Variants in ALDH1A2 observed in about 807,000 individuals in gnomAD.
The protein encoded by ALDH1A2 is retinal dehydrogenase 2.
A neutral mutation model predicts 60.3 loss-of-function variants in ALDH1A2; 27 were observed. The observed-to-expected ratio is 0.45, with a 90% CI of 0.33 to 0.62. The LOEUF is 0.62. Ranked by LOEUF, ALDH1A2 falls within the 20% of genes least tolerant of loss-of-function variation. The pLI is 0.02. For missense variants in ALDH1A2, 581 were observed against 643.8 expected (o/e 0.90, Z 1.06); for synonymous variants, 289 against 232.4 (o/e 1.24, Z -2.21).
chr15:58,021,134 T>G (rs1181984857), intron 1 of ALDH1A2, among the ~76,000 whole-genome samples: 3 of 152,332 alleles, frequency 2.0e-5, no homozygotes, highest in Non-Finnish European at 2.9e-5. Flanking sequence ...TTTTGATGTG[T>G]CTCTGTAAGT....
At position 58,016,292 on chromosome 15, in the gene ALDH1A2, C is replaced by T. The variant is rs546067079; in HGVS notation, c.118-2011G>A. 3.2e-3 allele frequency among the ~76,000 whole-genome samples: 481 copies of T among 152,054 alleles called. 4 individuals are homozygous for T. The highest frequency in any genetic ancestry group is 0.011 in the African/African-American group (461 of 41,472). On this transcript the variant is annotated intron_variant, in intron 1 of 12. Transcript: ENST00000249750. ...CCGAGTAGCAGGGATTACAGGCACCCACCACCATGCCCAGCTAATTTTTGT... is the reference window on the plus strand; with the variant it reads ...CCGAGTAGCAGGGATTACAGGCACCTACCACCATGCCCAGCTAATTTTTGT...
chr15:58,022,412 C>T (rs1895953222), intron 1 of ALDH1A2, among the ~76,000 whole-genome samples: 1 of 152,140 alleles, frequency 6.6e-6, no homozygotes, highest in African/African-American at 2.4e-5. Flanking sequence ...TATCCATGCA[C>T]ACTACTCAGG....
chr15:58,058,830 A>G (rs1219937645), intron 1 of ALDH1A2, among the ~76,000 whole-genome samples: 7 of 152,200 alleles, frequency 4.6e-5, no homozygotes, highest in Non-Finnish European at 1.0e-4. Flanking sequence ...TTCCTTCTAT[A>G]ATAAAAATTA....
chr15:57,984,831 A>C (rs569170681), intron 7 of ALDH1A2, among the ~76,000 whole-genome samples: 1 of 152,190 alleles, frequency 6.6e-6, no homozygotes, highest in African/African-American at 2.4e-5. Flanking sequence ...ATTTTTGTAC[A>C]TGTTTCTGTG....
At chr15:58,001,426 C>G (rs1204298701) in intron 4 of ALDH1A2, among the ~76,000 whole-genome samples, 1 of 151,810 alleles carries the variant, frequency 6.6e-6, no homozygotes, top group Non-Finnish European at 1.5e-5. Flanking sequence ...AATATGAACA[C>G]AGAACACATG....
At chr15:58,021,488 G>A (rs1895925867) in intron 1 of ALDH1A2, among the ~76,000 whole-genome samples, 1 of 152,152 alleles carries the variant, frequency 6.6e-6, no homozygotes, top group African/African-American at 2.4e-5. Context: ...TCCCCACCGT[G>A]GAATTGTGCA....
chr15:58,013,833 C>G, intron 3 of ALDH1A2, 25 bp downstream of exon 3: 1 of 1,613,986 alleles, frequency 6.2e-7, no homozygotes, highest in Non-Finnish European at 8.5e-7. Context: ...GGGTTAAAGA[C>G]TTAATGTTTT....
chr15:57,991,642 G>C (rs771049336), intron 7 of ALDH1A2: 4 of 152,134 alleles, frequency 2.6e-5, no homozygotes, highest in Admixed American at 6.5e-5. Context: ...ATATGAAAAA[G>C]AATGCAAAAT....
At chr15:58,021,196 G>A (rs776939544) in intron 1 of ALDH1A2, among the ~76,000 whole-genome samples, 7 of 152,086 alleles carry the variant, frequency 4.6e-5, no homozygotes, top group Non-Finnish European at 1.0e-4. Flanking sequence ...TAACTAGCAA[G>A]TTTAATATAT....
At chr15:58,064,013 A>C (rs1417945928) in intron 1 of ALDH1A2, among the ~76,000 whole-genome samples, 1 of 152,172 alleles carries the variant, frequency 6.6e-6, no homozygotes, top group Non-Finnish European at 1.5e-5. Context: ...CATACCTAAA[A>C]TTTCTTTCAG....
intron 7 of ALDH1A2, 86 bp downstream of exon 7, chr15:57,992,619 C>T: frequency 8.0e-7 from 1 of 1,251,656 alleles, no homozygotes; most frequent in Non-Finnish European, 1.2e-6. Context: ...TGGTGTCTAG[C>T]CTATGGGTAC....
intron 7 of ALDH1A2, chr15:57,980,545 A>C (rs1160522786): frequency 3.6e-6 from 1 of 277,410 alleles, no homozygotes; most frequent in Non-Finnish European, 7.6e-6. Context: ...TCCAGCTGTG[A>C]AGCTCTGCCT....
Position 58,010,785 on chromosome 15 carries a change from G to C in ALDH1A2, c.364-7C>G, listed in dbSNP as rs761399762. 1 of 1,612,880 alleles carries C rather than the reference G, an allele frequency of 6.2e-7. No individual in the cohort carries two copies. Among genetic ancestry groups the C allele is most frequent in the Admixed American group, 1.7e-5 (1 of 59,958 alleles). ...CATTTAGGGATTCCATGGTCTGTTGGAAGAGAAATGGAGAGATACTAAGTC... is the reference window on the plus strand; with the variant it reads ...CATTTAGGGATTCCATGGTCTGTTGCAAGAGAAATGGAGAGATACTAAGTC... On this transcript the variant is annotated splice_region_variant and splice_polypyrimidine_tract_variant and intron_variant, in intron 3 of 12. Coordinates refer to ENST00000249750, the MANE Select transcript of ALDH1A2 (RefSeq NM_003888.4).
chr15:57,960,541 G>C (rs1454199611), intron 12 of ALDH1A2, among the ~76,000 whole-genome samples: 1 of 152,164 alleles, frequency 6.6e-6, no homozygotes, highest in East Asian at 1.9e-4. Flanking sequence ...CTTTACTACA[G>C]GGAATTAATG....
chr15:58,011,882 C>G (rs1895644128), intron 3 of ALDH1A2, among the ~76,000 whole-genome samples: 1 of 152,188 alleles, frequency 6.6e-6, no homozygotes, highest in South Asian at 2.1e-4. Context: ...CCAAAATCTG[C>G]ACAGCTTAGA....
intron 1 of ALDH1A2, among the ~76,000 whole-genome samples, chr15:58,025,567 C>T (rs1225311215): frequency 1.3e-5 from 2 of 152,146 alleles, no homozygotes; most frequent in Non-Finnish European, 2.9e-5. Context: ...CAGCCAAATT[C>T]TACCAAACAT....
At chr15:58,054,849 A>G (rs1163456665) in intron 1 of ALDH1A2, among the ~76,000 whole-genome samples, 1 of 152,248 alleles carries the variant, frequency 6.6e-6, no homozygotes, top group Non-Finnish European at 1.5e-5. Flanking sequence ...CTTTATCATA[A>G]CCTAAAAAAT....
At chr15:57,993,572 CAT>C (rs374733181) in intron 5 of ALDH1A2, among the ~76,000 whole-genome samples, 5 of 152,102 alleles carry the variant, frequency 3.3e-5, no homozygotes, top group African/African-American at 1.2e-4. Context: ...TTGTCACAAA[CAT>C]ATATGATTAC....
rs139678676 is a variant in ALDH1A2, at chr15:58,064,949, T to C, written c.117+585A>G. On this transcript the variant is annotated intron_variant, in intron 1 of 12. Transcript: ENST00000249750. ...GTTTCCCAGGGAAACTGCCGCTGCC[T>C]ACAAAATTCACATGAAACGCTGACG... Among the ~76,000 whole-genome samples the C allele has an allele frequency of 3.1e-3, 468 of 152,350 alleles. 4 individuals carry two copies. Among genetic ancestry groups the C allele is most frequent in the African/African-American group, 0.011 (446 of 41,584 alleles).
Sources: allele counts gnomAD v4.1 joint callset (sites outside exome capture counted in the v4.1 genomes callset), GRCh38; gene constraint gnomAD v4.1.1; transcripts MANE v1.5; gene names NCBI Gene and HGNC (gene_info 2026-07-23, HGNC 2026-07-21).